The following GPHN variants were observed in gnomAD, a reference collection of about 807,000 sequenced individuals.
The protein encoded by GPHN is gephyrin.
In GPHN, 17 loss-of-function variants were observed where a neutral mutation model predicts 95.5. The ratio of observed to expected loss-of-function variants is 0.18; its 90% confidence interval spans 0.12 to 0.27. The LOEUF is 0.27. GPHN is among the 10% of genes least tolerant of loss of function. The pLI is 1.00. For missense variants in GPHN, 660 were observed against 978.1 expected (o/e 0.67, Z 4.34); for synonymous variants, 320 against 322.5 (o/e 0.99, Z 0.08).
At chr14:67,023,761 G>T in intron 10 of GPHN, 86 bp downstream of exon 10, 2 of 1,069,262 alleles carry the variant, frequency 1.9e-6, no homozygotes, top group Non-Finnish European at 2.9e-6. Context: ...AAGAAGAAAA[G>T]CAATGGGGAA....
chr14:66,656,629 T>C (rs915547582), intron 1 of GPHN, among the ~76,000 whole-genome samples: 11 of 152,196 alleles, frequency 7.2e-5, no homozygotes, highest in African/African-American at 2.7e-4. Flanking sequence ...ATTTTGGTAA[T>C]TCTCACAATA....
chr14:67,380,692 T>G, the GPHN span: 1 of 1,582,838 alleles, frequency 6.3e-7, no homozygotes, highest in Admixed American at 1.9e-5. Context: ...TAGATTTGAA[T>G]GAAGATGAAC....
chr14:67,352,260 G>A, the GPHN span, among the ~76,000 whole-genome samples: 1 of 151,902 alleles, frequency 6.6e-6, no homozygotes, highest in African/African-American at 2.4e-5. Flanking sequence ...TTGAGCCCGG[G>A]AGTCAAAAAG....
At chr14:66,614,156 C>T (rs1189761148) in intron 1 of GPHN, among the ~76,000 whole-genome samples, 8 of 152,034 alleles carry the variant, frequency 5.3e-5, no homozygotes, top group East Asian at 1.9e-4. Flanking sequence ...ATTTTGAGGC[C>T]GTAGATAATG....
chr14:67,643,159 T>A, the GPHN span, among the ~76,000 whole-genome samples: 1 of 152,350 alleles, frequency 6.6e-6, no homozygotes, highest in East Asian at 1.9e-4. Flanking sequence ...CAATCAGTCC[T>A]TTGATCCTGT....
At chr14:66,684,271 T>A (rs560065369) in intron 2 of GPHN, among the ~76,000 whole-genome samples, 59 of 152,156 alleles carry the variant, frequency 3.9e-4, no homozygotes, top group African/African-American at 1.3e-3. Flanking sequence ...GCAAGAAAAA[T>A]TAGGCTAAGG....
chr14:66,749,130 T>C (rs2058273458), intron 2 of GPHN, among the ~76,000 whole-genome samples: 1 of 151,988 alleles, frequency 6.6e-6, no homozygotes, highest in Non-Finnish European at 1.5e-5. Flanking sequence ...CAGATAGGCT[T>C]CTTTTAGTTA....
At chr14:67,150,453 CAAA>C (rs1164806975) in intron 18 of GPHN, among the ~76,000 whole-genome samples, 2 of 98,056 alleles carry the variant, frequency 2.0e-5, no homozygotes, top group Admixed American at 2.6e-4. Flanking sequence ...AAAAAAAAAA[CAAA>C]AAAAAAAAAA....
intron 1 of GPHN, among the ~76,000 whole-genome samples, chr14:66,584,337 G>A (rs1206641027): frequency 1.3e-5 from 2 of 152,056 alleles, no homozygotes; most frequent in East Asian, 1.9e-4. Flanking sequence ...CTGCAAACAG[G>A]GACAATTTGA....
chr14:66,770,169 A>G (rs1303063585), intron 2 of GPHN, among the ~76,000 whole-genome samples: 2 of 151,990 alleles, frequency 1.3e-5, no homozygotes, highest in Non-Finnish European at 2.9e-5. Context: ...ACTTTTTAAT[A>G]GAGTTGTTCA....
chr14:67,081,358 T>C (rs1595060921), intron 11 of GPHN, among the ~76,000 whole-genome samples: 1 of 152,154 alleles, frequency 6.6e-6, no homozygotes, highest in Middle Eastern at 3.4e-3. Context: ...TTCCTGATCA[T>C]TGGCGATTTT....
intron 9 of GPHN, among the ~76,000 whole-genome samples, chr14:66,985,175 A>T (rs2070934085): frequency 6.6e-6 from 1 of 151,696 alleles, no homozygotes; most frequent in Admixed American, 6.6e-5. Flanking sequence ...CAGCTGAACA[A>T]CCTCAATGCT....
the GPHN span, chr14:67,471,626 C>G: frequency 1.3e-5 from 2 of 152,194 alleles, no homozygotes; most frequent in East Asian, 3.9e-4. Context: ...AGGAGCCTGC[C>G]CAGGAAATAG....
At chr14:67,115,946 A>C (rs1024049922) in intron 16 of GPHN, among the ~76,000 whole-genome samples, 1 of 152,202 alleles carries the variant, frequency 6.6e-6, no homozygotes, top group African/African-American at 2.4e-5. Context: ...AGAGTTATCA[A>C]CTATAGCTAA....
intron 11 of GPHN, among the ~76,000 whole-genome samples, chr14:67,084,805 A>C (rs551482388): frequency 2.6e-5 from 4 of 152,200 alleles, no homozygotes; most frequent in Admixed American, 2.6e-4. Context: ...GAGGAGAAAA[A>C]GGAAAGAAAA....
At chr14:66,622,445 G>C (rs921686818) in intron 1 of GPHN, among the ~76,000 whole-genome samples, 4 of 152,138 alleles carry the variant, frequency 2.6e-5, no homozygotes, top group Non-Finnish European at 4.4e-5. Flanking sequence ...TTAACATTCA[G>C]CTCCTCATTA....
intron 10 of GPHN, among the ~76,000 whole-genome samples, chr14:67,027,331 T>C (rs963447336): frequency 6.6e-6 from 1 of 152,150 alleles, no homozygotes; most frequent in Non-Finnish European, 1.5e-5. Flanking sequence ...TTTAATAGCT[T>C]TCTTTCTGCC....
rs1189219572 is a variant in GPHN at position 66,916,515 on chromosome 14, T to G, written c.456+446T>G. 3.5e-5 allele frequency among the ~76,000 whole-genome samples: 5 copies of G among 144,750 alleles called. No individual in the cohort carries two copies. In the East Asian group the frequency reaches 6.0e-4, roughly 17 times the overall value. The allele number at this position is 144,750 out of a possible 152,430, so 95.0% of individuals were successfully genotyped here. A position where few individuals can be genotyped will look rare whatever the true frequency, so the allele number is the denominator to read the frequency against. On this transcript the variant is annotated intron_variant, in intron 6 of 22. Coordinates refer to ENST00000478722, the MANE Select transcript of GPHN (RefSeq NM_020806.5). ...TTTTTTGGTTTGGTTTTTTTTTTTG[T>G]TTTGTTTTGTTTTTTTTGCAGTTCA...
chr14:67,043,546 T>C (rs2074830736), intron 10 of GPHN, among the ~76,000 whole-genome samples: 1 of 152,220 alleles, frequency 6.6e-6, no homozygotes, highest in Non-Finnish European at 1.5e-5. Context: ...GATTTGCGTA[T>C]GTTGAACCAG....
Sources: gnomAD v4.1 joint callset for allele counts (sites outside exome capture counted in the v4.1 genomes callset) on GRCh38, gnomAD v4.1.1 for gene constraint, MANE v1.5 for transcripts, NCBI Gene and HGNC (gene_info 2026-07-23, HGNC 2026-07-21) for gene names.